Variants in RPL7A observed in about 807,000 individuals in gnomAD.
The protein encoded by RPL7A is large ribosomal subunit protein eL8.
For missense variants in RPL7A, 291 were observed against 338.2 expected, an observed-to-expected ratio of 0.86 and a Z score of 1.09; for synonymous variants, 158 against 128.2, an observed-to-expected ratio of 1.23 and a Z score of -1.57.
At chr9:133,350,541 ACTGAAATTTG>A (rs890151305) in intron 5 of RPL7A, 46 bp from the exon 6 acceptor site, 1 of 1,613,842 alleles carries the variant, frequency 6.2e-7, no homozygotes, top group African/African-American at 1.3e-5. Flanking sequence ...TTACAAGCTA[ACTGAAATTTG>A]CTGCTTTTGG....
At chr9:133,348,717 G>T (rs2129980323) in intron 1 of RPL7A, 2 of 802,776 alleles carry the variant, frequency 2.5e-6, no homozygotes, top group East Asian at 2.7e-5. Flanking sequence ...CTGGCCACTC[G>T]GGGTTCCCGG....
Position 133,350,726 on chromosome 9 carries a change from T to A in RPL7A, c.625T>A (p.Ser209Thr). 1 of 1,613,506 alleles carries A rather than the reference T, an allele frequency of 6.2e-7. No homozygotes were observed. The highest frequency in any genetic ancestry group is 8.5e-7 in the Non-Finnish European group (1 of 1,179,434). ...CACTGTCGCCTTCACACAGGTGAAC[T>A]CGTAAGTACACAGCCTGGCCCCAAA... ...CTTVAFTQVN[S>T]EDKGALAKLV... Residue 209 changes from serine to threonine, a missense_variant and splice_region_variant, in exon 6 of 8, where the codon TCG becomes ACG. Coordinates refer to ENST00000323345, the MANE Select transcript of RPL7A (RefSeq NM_000972.3).
At chr9:133,350,456 T>C (rs2129993791) in intron 5 of RPL7A, 137 bp downstream of exon 5, 1 of 1,517,396 alleles carries the variant, frequency 6.6e-7, no homozygotes, top group Non-Finnish European at 9.2e-7. Context: ...TGCGTGGCTC[T>C]TGCAATGATG....
intron 1 of RPL7A, 110 bp downstream of exon 1, chr9:133,348,356 G>A (rs1475273405): frequency 1.2e-5 from 17 of 1,473,988 alleles, no homozygotes; most frequent in Non-Finnish European, 1.6e-5. Flanking sequence ...GGCGCTAGGA[G>A]AGCCCCACTC....
At position 133,349,548 on chromosome 9, in the gene RPL7A, C is replaced by T; in HGVS notation, c.125-3C>T. 6.2e-7 allele frequency: 1 copy of T among 1,614,122 alleles called. No homozygotes were observed. The highest frequency in any genetic ancestry group is 1.1e-5 in the South Asian group (1 of 91,064). ...TCACTCGGTGTCACCCTTTACTTCT[C>T]AGGACAGGACATCCAGCCCAAAAGA... On this transcript the variant is annotated splice_region_variant and splice_polypyrimidine_tract_variant and intron_variant, in intron 2 of 7. Transcript: ENST00000323345.
rs1026000174 is a variant in RPL7A at position 133,350,228 on chromosome 9, T to G, written c.416-12T>G. On this transcript the variant is annotated splice_polypyrimidine_tract_variant and intron_variant, in intron 4 of 7. Transcript: ENST00000323345. ...GCCCTGTGAGTGCTCACAAAGTGGT[T>G]GTGTGTTCTAGGAGTTAACACCGTC... The G allele has an allele frequency of 6.2e-7, 1 of 1,613,830 alleles. No homozygotes were observed. Among genetic ancestry groups the G allele is most frequent in the Middle Eastern group, 1.7e-4 (1 of 6,036 alleles).
At chr9:133,349,427 G>C in intron 2 of RPL7A, 124 bp from the exon 3 acceptor site, 2 of 1,151,986 alleles carry the variant, frequency 1.7e-6, no homozygotes, top group South Asian at 1.2e-5. Flanking sequence ...TTTGCTATCT[G>C]AGAGATGGTG....
intron 4 of RPL7A, 46 bp from the exon 5 acceptor site, chr9:133,350,194 C>G (rs2129991993): frequency 4.8e-5 from 77 of 1,611,536 alleles, no homozygotes; most frequent in Non-Finnish European, 6.3e-5. Context: ...CTTCTTGTGA[C>G]TAGAGCAGGC....
intron 4 of RPL7A, 93 bp downstream of exon 4, chr9:133,350,145 CGA>C: frequency 6.2e-7 from 1 of 1,612,536 alleles, no homozygotes; most frequent in Non-Finnish European, 8.5e-7. Context: ...AGAGTAAAAC[CGA>C]GCTTTTTAAC....
intron 1 of RPL7A, 59 bp downstream of exon 1, chr9:133,348,305 C>T (rs2129977878): frequency 1.2e-6 from 2 of 1,612,956 alleles, no homozygotes; most frequent in Admixed American, 1.7e-5. Flanking sequence ...CCGCTGCCAT[C>T]CTCCTCCAGG....
chr9:133,348,218 C>T lies in RPL7A; in HGVS notation c.-26C>T, dbSNP rs2129976760. ...TACATATTACCCACAATTCCCTTTC[C>T]TTTCTCTCTCCTCCCGCCGCCCAAG... On this transcript the variant is annotated 5_prime_UTR_variant, in exon 1 of 8. Coordinates refer to ENST00000323345, the MANE Select transcript of RPL7A (RefSeq NM_000972.3). 13 of 1,613,922 alleles carry T rather than the reference C, an allele frequency of 8.1e-6. No homozygotes were observed. Among genetic ancestry groups the T allele is most frequent in the East Asian group, 4.5e-5 (2 of 44,858 alleles).
intron 3 of RPL7A, 71 bp downstream of exon 3, chr9:133,349,771 A>G (rs1184837783): frequency 1.3e-6 from 2 of 1,597,786 alleles, no homozygotes; most frequent in South Asian, 1.1e-5. Flanking sequence ...CATGAGGGGG[A>G]TGGTCTTAGG....
In RPL7A at chr9:133,350,683, C is replaced by G. The variant is rs782566872; in HGVS notation, c.582C>G (p.Val194=). The change falls in exon 6 of 8, where the codon GTC becomes GTG. Residue 194 remains valine, a synonymous_variant. Coordinates refer to ENST00000323345, the MANE Select transcript of RPL7A (RefSeq NM_000972.3). ...IKGKARLGRL[V]HRKTCTTVAF... ...GAAAGGCAAGACTGGGACGTCTAGTCCACAGGAAGACCTGCACCACTGTCG... is the reference window on the plus strand; with the variant it reads ...GAAAGGCAAGACTGGGACGTCTAGTGCACAGGAAGACCTGCACCACTGTCG... The G allele has an allele frequency of 1.2e-6, 2 of 1,614,142 alleles. No homozygotes were observed. The highest frequency in any genetic ancestry group is 1.7e-6 in the Non-Finnish European group (2 of 1,180,020).
In RPL7A at chr9:133,350,217, C is replaced by T. The variant is rs2129992147; in HGVS notation, c.416-23C>T. ...GACTAGAGCAGGCCCTGTGAGTGCT[C>T]ACAAAGTGGTTGTGTGTTCTAGGAG... On this transcript the variant is annotated intron_variant, in intron 4 of 7. Coordinates refer to ENST00000323345, the MANE Select transcript of RPL7A (RefSeq NM_000972.3). The T allele has an allele frequency of 6.2e-6, 10 of 1,613,584 alleles. No individual in the cohort carries two copies. The Admixed American group carries it at 1.5e-4, about 24-fold the overall frequency.
At chr9:133,348,504 G>A in intron 1 of RPL7A, 1 of 610,310 alleles carries the variant, frequency 1.6e-6, no homozygotes, top group Non-Finnish European at 2.9e-6. Context: ...TCGCAGGCCT[G>A]GAGCACCGCA....
intron 7 of RPL7A, 63 bp downstream of exon 7, chr9:133,351,134 G>T (rs1394330643): frequency 3.2e-6 from 5 of 1,579,124 alleles, no homozygotes; most frequent in Non-Finnish European, 4.3e-6. Flanking sequence ...ATAACTGGCT[G>T]GCTTAACCTA....
Position 133,350,417 on chromosome 9 carries a change from G to A in RPL7A, c.495+98G>A. 3 of 1,507,534 alleles carry A rather than the reference G, an allele frequency of 2.0e-6. 1 individual carries two copies. Among genetic ancestry groups the A allele is most frequent in the East Asian group, 2.3e-5 (1 of 44,370 alleles). The allele number at this position is 1,507,534 out of a possible 1,614,324, so 93.4% of individuals were successfully genotyped here. The stretch of plus-strand genomic sequence containing the variant: ...AGTCAGTGATGGGACCGAAGTGGGT[G>A]AGGGCAGTACTGACACAGATCCAAC... On this transcript the variant is annotated intron_variant, in intron 5 of 7. Transcript: ENST00000323345.
chr9:133,349,838 C>T (rs1389482059), intron 3 of RPL7A, 74 bp from the exon 4 acceptor site: 3 of 1,588,822 alleles, frequency 1.9e-6, no homozygotes, highest in Non-Finnish European at 1.7e-6. Flanking sequence ...CGCAGTCCAG[C>T]ATTTGTTATT....
At chr9:133,349,869 T>C in intron 3 of RPL7A, 43 bp from the exon 4 acceptor site, 4 of 1,606,626 alleles carry the variant, frequency 2.5e-6, no homozygotes, top group Non-Finnish European at 2.5e-6. Flanking sequence ...TGACAAGGAT[T>C]AGAACCTTGA....
Sources: allele counts gnomAD v4.1 joint callset, GRCh38; gene constraint gnomAD v4.1.1; transcripts MANE v1.5; gene names NCBI Gene and HGNC (gene_info 2026-07-23, HGNC 2026-07-21).